Variants in DMXL1 observed in about 807,000 individuals in gnomAD.
The protein encoded by DMXL1 is dmX-like protein 1.
DMXL1 carries 99 observed loss-of-function variants against 319.2 expected under a neutral mutation model. The ratio of observed to expected loss-of-function variants is 0.31; its 90% CI spans 0.26 to 0.37. The LOEUF (loss-of-function observed/expected upper bound fraction) is 0.37, where lower values mean the gene tolerates loss of function less well. Among genes scored for constraint, DMXL1 ranks in the 10% least tolerant of loss-of-function variants. The probability of loss-of-function intolerance (pLI) is 1.00; values close to 1 mark genes in which losing one functional copy is unlikely to be tolerated. For synonymous variants in DMXL1, 1,385 were observed against 1,235.2 expected, an observed-to-expected ratio of 1.12 and a Z score of -2.54; for missense variants, 3,745 against 3,595.6, an observed-to-expected ratio of 1.04 and a Z score of -1.06.
intron 34 of DMXL1, among the ~76,000 whole-genome samples, chr5:119,214,923 C>A (rs957026796): frequency 7.9e-5 from 12 of 152,162 alleles, no homozygotes; most frequent in African/African-American, 2.4e-4. Flanking sequence ...CCCTCTATTC[C>A]ATGGAGCCAT....
chr5:119,073,274 C>T (rs1222628667), intron 1 of DMXL1, among the ~76,000 whole-genome samples: 1 of 152,136 alleles, frequency 6.6e-6, no homozygotes, highest in Non-Finnish European at 1.5e-5. Context: ...GTTGCCCAGG[C>T]TGGTCTTGAC....
Position 119,247,182 on chromosome 5 carries a change from A to G in DMXL1, c.9110A>G (p.Asn3037Ser), listed in dbSNP as rs1290594458. 1.2e-6 allele frequency: 2 copies of G among 1,613,490 alleles called. No individual in the cohort carries two copies. The highest frequency in any genetic ancestry group is 2.7e-5 in the African/African-American group (2 of 74,908). The change falls in exon 44 of 44, where the codon AAT (asparagine) becomes AGT (serine). Residue 3037 changes from asparagine (N) to serine (S), a missense_variant. Physicochemically the swap from Asn to Ser is conservative, Grantham distance 46. Transcript: ENST00000539542. Reference protein sequence around the residue: ...RILPDQFSPLNEVLKNDVKFM... With the variant: ...RILPDQFSPLSEVLKNDVKFM... ...CTGCCAGATCAGTTTAGCCCTTTAA[A>G]TGAAGTGTTGAAAAATGATGTGAAA...
intron 25 of DMXL1, among the ~76,000 whole-genome samples, chr5:119,173,776 G>GTGTATGTATATA: frequency 1.5e-5 from 1 of 67,170 alleles, no homozygotes; most frequent in African/African-American, 5.6e-5. Flanking sequence ...ATGTGTGTGT[G>GTGTATGTATATA]TATATATATA....
intron 21 of DMXL1, among the ~76,000 whole-genome samples, chr5:119,165,721 A>G (rs1346498170): frequency 6.6e-6 from 1 of 152,230 alleles, no homozygotes. Flanking sequence ...AGACAAGACA[A>G]AACAGAGCTT....
At position 119,170,459 on chromosome 5, in the gene DMXL1, C is replaced by A. The variant is rs151063105; in HGVS notation, c.5668C>A (p.Pro1890Thr). The A allele has an allele frequency of 8.7e-5, 140 of 1,613,688 alleles. No individual in the cohort carries two copies. The highest frequency in any genetic ancestry group is 1.1e-4 in the Non-Finnish European group (134 of 1,179,920). Reference protein sequence around the residue: ...KMPKVIKKTRPFYRASSFLDT... With the variant: ...KMPKVIKKTRTFYRASSFLDT... Reference sequence around the variant, plus strand: ...GCCTAAAGTCATCAAGAAAACAAGACCTTTTTATAGGGCTTCTAGTTTTCT... The same window carrying A: ...GCCTAAAGTCATCAAGAAAACAAGAACTTTTTATAGGGCTTCTAGTTTTCT... The change falls in exon 24 of 44, where the codon CCT becomes ACT. Residue 1890 changes from proline (P) to threonine (T), a missense_variant. Around this residue, in one of 4 missense-constraint regions of DMXL1, gnomAD observed 1,382 missense variants for 1,269.5 expected, o/e 1.09. Coordinates refer to ENST00000539542, the MANE Select transcript of DMXL1 (RefSeq NM_001290321.3).
At chr5:119,075,855 A>G (rs1202018307) in intron 1 of DMXL1, among the ~76,000 whole-genome samples, 3 of 152,140 alleles carry the variant, frequency 2.0e-5, no homozygotes, top group Admixed American at 6.6e-5. Flanking sequence ...GTGAGCTGCC[A>G]TGTCCACCCT....
intron 16 of DMXL1, 54 bp downstream of exon 16, chr5:119,147,010 T>C (rs1291946181): frequency 6.3e-7 from 1 of 1,578,066 alleles, no homozygotes; most frequent in African/African-American, 1.4e-5. Flanking sequence ...AGTTAACAAA[T>C]TACACAAAAT....
intron 34 of DMXL1, among the ~76,000 whole-genome samples, chr5:119,215,529 T>A (rs1783527694): frequency 6.6e-6 from 1 of 151,896 alleles, no homozygotes; most frequent in South Asian, 2.1e-4. Context: ...TTTAGTAAAA[T>A]TTTGTACTTT....
chr5:119,174,139 A>G (rs1266279417), intron 25 of DMXL1, among the ~76,000 whole-genome samples: 1 of 152,116 alleles, frequency 6.6e-6, no homozygotes, highest in African/African-American at 2.4e-5. Context: ...TGCTTTAATC[A>G]GTCTGATTCA....
rs752290889 is a variant in DMXL1 at position 119,244,517 on chromosome 5, G to A, written c.8863G>A (p.Val2955Ile). The change falls in exon 43 of 44, where the codon GTT (valine) becomes ATT (isoleucine). Residue 2955 changes from valine (V) to isoleucine (I), a missense_variant. By Grantham distance (29) the Val-to-Ile change is conservative. Around this residue, in one of 4 missense-constraint regions of DMXL1, gnomAD observed 262 missense variants for 320.5 expected, o/e 0.82. Transcript: ENST00000539542. ...FQSHDSPVKA[V>I]AVDPTEEYFV... The stretch of plus-strand genomic sequence containing the variant: ...GAGCCATGATTCTCCTGTTAAAGCC[G>A]TTGCTGTTGATCCAACTGAAGAGTA... The A allele has an allele frequency of 2.5e-6, 4 of 1,614,140 alleles. No individual in the cohort carries two copies. The highest frequency in any genetic ancestry group is 1.1e-5 in the South Asian group (1 of 91,080).
rs763126094 is a variant in DMXL1 at position 119,150,083 on chromosome 5, G to A, written c.4256G>A (p.Cys1419Tyr). The A allele has an allele frequency of 6.2e-7, 1 of 1,612,800 alleles. No individual in the cohort carries two copies. Among genetic ancestry groups the A allele is most frequent in the Non-Finnish European group, 8.5e-7 (1 of 1,179,278 alleles). The change falls in exon 18 of 44, where the codon TGT becomes TAT. Residue 1419 changes from cysteine to tyrosine, a missense_variant. By Grantham distance (194) the Cys-to-Tyr change is radical. This residue lies in a region of DMXL1 where 2,096 missense variants were observed against 1,985.4 expected (regional missense o/e 1.06). Transcript: ENST00000539542. ...TTACTTGCAGCAGATGATGATAGCTGTTACTCATCTTTGGAGAAATCTAGT... is the reference window on the plus strand; with the variant it reads ...TTACTTGCAGCAGATGATGATAGCTATTACTCATCTTTGGAGAAATCTAGT... ...YALLAADDDS[C>Y]YSSLEKSSNE...
intron 28 of DMXL1, among the ~76,000 whole-genome samples, chr5:119,187,967 TA>T (rs1464141501): frequency 1.3e-5 from 2 of 152,234 alleles, no homozygotes; most frequent in Non-Finnish European, 2.9e-5. Context: ...AAAAGTGTTT[TA>T]ATAAGTGGTT....
intron 39 of DMXL1, among the ~76,000 whole-genome samples, chr5:119,234,327 A>G (rs1581473421): frequency 1.3e-5 from 2 of 152,236 alleles, no homozygotes; most frequent in African/African-American, 4.8e-5. Flanking sequence ...ATAATTAAAG[A>G]GTAAATCAGT....
At chr5:119,228,178 T>C (rs1785951675) in intron 38 of DMXL1, among the ~76,000 whole-genome samples, 1 of 152,204 alleles carries the variant, frequency 6.6e-6, no homozygotes, top group Non-Finnish European at 1.5e-5. Flanking sequence ...GTTCTGGAAG[T>C]TCTTACACTG....
intron 17 of DMXL1, 84 bp from the exon 18 acceptor site, chr5:119,148,655 A>G (rs1313508435): frequency 7.3e-7 from 1 of 1,375,734 alleles, no homozygotes; most frequent in Non-Finnish European, 9.9e-7. Context: ...AGTAGTTAAT[A>G]CAAAAGACTA....
intron 41 of DMXL1, among the ~76,000 whole-genome samples, chr5:119,239,609 TTAATC>T: frequency 6.6e-6 from 1 of 152,220 alleles, no homozygotes; most frequent in Non-Finnish European, 1.5e-5. Context: ...TAAACGCATG[TTAATC>T]TAAAGTTATT....
In DMXL1 at chr5:119,133,844, T is replaced by C; in HGVS notation, c.1920T>C (p.Leu640=). The change falls in exon 12 of 44, where the codon CTT becomes CTC. Residue 640 remains leucine (L), a synonymous_variant. Coordinates refer to ENST00000539542, the MANE Select transcript of DMXL1 (RefSeq NM_001290321.3). ...KSRYCGHRFH[L]NDLACHSVLP... ...GATATTGTGGTCATCGTTTTCATCT[T>C]AATGATTTAGCTTGCCACTCAGTAT... 3 of 1,614,208 alleles carry C rather than the reference T, an allele frequency of 1.9e-6. No homozygotes were observed. The highest frequency in any genetic ancestry group is 2.5e-6 in the Non-Finnish European group (3 of 1,180,044).
rs1485505906 is a variant in DMXL1 at position 119,177,392 on chromosome 5, A to G, written c.6794A>G (p.Tyr2265Cys). The G allele has an allele frequency of 1.3e-6, 2 of 1,597,156 alleles. No homozygotes were observed. The highest frequency in any genetic ancestry group is 1.7e-6 in the Non-Finnish European group (2 of 1,170,852). ...FQTNQFTGMV[Y>C]QTVLLPHRPS... ...ACGAATCAGTTTACTGGAATGGTAT[A>G]TCAGACAGTACTGCTTCCTCATCGA... Residue 2265 changes from tyrosine to cysteine, a missense_variant, in exon 27 of 44, where the codon TAT becomes TGT. Physicochemically the swap from Tyr to Cys is radical, Grantham distance 194. Coordinates refer to ENST00000539542, the MANE Select transcript of DMXL1 (RefSeq NM_001290321.3).
At chr5:119,202,722 G>A (rs992691860) in intron 32 of DMXL1, among the ~76,000 whole-genome samples, 12 of 151,276 alleles carry the variant, frequency 7.9e-5, no homozygotes, top group African/African-American at 2.4e-4. Context: ...ATGGTGGCAG[G>A]TGCCTGTAAT....
Sources: gnomAD v4.1 joint callset for allele counts (sites outside exome capture counted in the v4.1 genomes callset) on GRCh38, gnomAD v4.1.1 for gene constraint, gnomAD v4.1.1 regional missense constraint, MANE v1.5 for transcripts, NCBI Gene and HGNC (gene_info 2026-07-23, HGNC 2026-07-21) for gene names.